RTN3: variants seen among roughly 807,000 people sequenced by gnomAD.
RTN3 encodes the protein reticulon 3, also known as reticulon-3.
RTN3 carries 49 observed loss-of-function variants against 77.8 expected under a neutral mutation model. The ratio of observed to expected loss-of-function variants is 0.63; its 90% CI spans 0.50 to 0.80. RTN3 has a LOEUF of 0.80. RTN3 is among the 30% of genes least tolerant of loss of function. The pLI is 0.00. For missense variants in RTN3, 1,236 were observed against 1,211.9 expected, an observed-to-expected ratio of 1.02 and a Z score of -0.29; for synonymous variants, 464 against 446.9, an observed-to-expected ratio of 1.04 and a Z score of -0.48.
chr11:63,716,979 C>CCAA (rs2011444667), intron 2 of RTN3, among the ~76,000 whole-genome samples: 1 of 120,278 alleles, frequency 8.3e-6, no homozygotes, highest in Non-Finnish European at 1.6e-5. Flanking sequence ...AAAAAAAAAA[C>CCAA]AAAAAAAAAA....
intron 3 of RTN3, among the ~76,000 whole-genome samples, chr11:63,741,505 AT>A (rs1233011629): frequency 7.8e-4 from 101 of 129,396 alleles, no homozygotes; most frequent in Non-Finnish European, 5.4e-4. Context: ...CCCAGCATTT[AT>A]TTTTTTTTTT....
intron 2 of RTN3, among the ~76,000 whole-genome samples, chr11:63,707,860 C>T (rs1425436481): frequency 6.6e-6 from 1 of 152,056 alleles, no homozygotes; most frequent in Non-Finnish European, 1.5e-5. Context: ...AAAGAATGCC[C>T]TATCCTCGAA....
intron 1 of RTN3, among the ~76,000 whole-genome samples, chr11:63,684,136 T>G (rs1941233657): frequency 4.7e-4 from 7 of 14,802 alleles, no homozygotes; most frequent in East Asian, 0.033. Context: ...TTGGTTTTTT[T>G]TTTTTTTTTT....
Position 63,702,684 on chromosome 11 carries a change from G to GT in RTN3, c.143-2160dup, listed in dbSNP as rs993568867. On this transcript the variant is annotated intron_variant, in intron 1 of 8. Coordinates refer to ENST00000377819, the MANE Select transcript of RTN3 (RefSeq NM_001265589.2). ...CACTGCACTTTGTTTTTGTTTTTTT[G>GT]TTTTTTTGTTTTTTTTTTTGAGACG... 7.0e-5 allele frequency among the ~76,000 whole-genome samples: 10 copies of GT among 142,282 alleles called. No homozygotes were observed. In the East Asian group the frequency reaches 8.2e-4, roughly 12 times the overall value. 93.3% of individuals were successfully genotyped at this position (142,282 alleles called of 152,430 possible). A position where few individuals can be genotyped will look rare whatever the true frequency, so the allele number is the denominator to read the frequency against.
chr11:63,700,971 T>A (rs1451697035), intron 1 of RTN3, among the ~76,000 whole-genome samples: 1 of 151,344 alleles, frequency 6.6e-6, no homozygotes, highest in Non-Finnish European at 1.5e-5. Flanking sequence ...GCGCCTGTAG[T>A]CCCAGCTACT....
chr11:63,740,448 ATTTTTTTTT>A (rs34045543), intron 3 of RTN3, among the ~76,000 whole-genome samples: 10 of 120,740 alleles, frequency 8.3e-5, no homozygotes, highest in Admixed American at 7.8e-4. Context: ...TGCCTGGCTA[ATTTTTTTTT>A]TTTTTTTTTT....
chr11:63,749,943 G>T (rs369276543), intron 3 of RTN3, 48 bp from the exon 4 acceptor site: 12 of 1,331,554 alleles, frequency 9.0e-6, no homozygotes, highest in Admixed American at 1.8e-5. Flanking sequence ...GCAAGACATA[G>T]TAGCTGTGGA....
At position 63,741,384 on chromosome 11, in the gene RTN3, TAG is replaced by T. The variant is rs532512718; in HGVS notation, c.2531-8602_2531-8601del. Among the ~76,000 whole-genome samples, 363 of 151,846 alleles carry T rather than the reference TAG, an allele frequency of 2.4e-3. 4 individuals are homozygous for T. The highest frequency in any genetic ancestry group is 7.6e-3 in the African/African-American group (313 of 41,422). On this transcript the variant is annotated intron_variant, in intron 3 of 8. Coordinates refer to ENST00000377819, the MANE Select transcript of RTN3 (RefSeq NM_001265589.2). ...CGCCTGGCTAATTTTGTATTTTTAG[TAG>T]AGAGGGGGTTTCACCATGTTGGCCA...
At chr11:63,748,475 A>G (rs1171824724) in intron 3 of RTN3, among the ~76,000 whole-genome samples, 1 of 150,158 alleles carries the variant, frequency 6.7e-6, no homozygotes, top group Non-Finnish European at 1.5e-5. Flanking sequence ...CAGCCTCCCG[A>G]GTAGCTGAGA....
intron 1 of RTN3, among the ~76,000 whole-genome samples, chr11:63,692,755 C>T (rs1198479033): frequency 2.0e-5 from 3 of 149,894 alleles, no homozygotes; most frequent in South Asian, 2.1e-4. Context: ...AGCGAGACTC[C>T]GTCTCAAAAA....
In RTN3 at chr11:63,758,643, A is replaced by C; in HGVS notation, c.*442A>C. On this transcript the variant is annotated 3_prime_UTR_variant, in exon 9 of 9. Transcript: ENST00000377819. The stretch of plus-strand genomic sequence containing the variant: ...AAAATTATTTGGGGACAGGAGTGTG[A>C]TACCTTCCTTGGTTTTTTTTTGCAG... 1 of 360,150 alleles carries C rather than the reference A, an allele frequency of 2.8e-6. No homozygotes were observed. The allele number at this position is 360,150 out of a possible 1,614,324, so 22.3% of individuals were successfully genotyped here.
chr11:63,753,057 T>A lies in RTN3; in HGVS notation c.2878-12T>A. ...GGTTATTCCTGCTTAACTTTTGATA[T>A]GGCCTTCACAGCTGGCTGTCTTCAT... On this transcript the variant is annotated splice_polypyrimidine_tract_variant and intron_variant, in intron 5 of 8. Coordinates refer to ENST00000377819, the MANE Select transcript of RTN3 (RefSeq NM_001265589.2). 2 of 1,613,346 alleles carry A rather than the reference T, an allele frequency of 1.2e-6. No homozygotes were observed. Among genetic ancestry groups the A allele is most frequent in the Non-Finnish European group, 1.7e-6 (2 of 1,179,574 alleles).
chr11:63,686,470 C>CAAAA (rs11364347), intron 1 of RTN3, among the ~76,000 whole-genome samples: 1 of 92,566 alleles, frequency 1.1e-5, no homozygotes, highest in Non-Finnish European at 2.2e-5. Flanking sequence ...GACTCCGTCT[C>CAAAA]AAAAAAAAAA....
intron 1 of RTN3, among the ~76,000 whole-genome samples, chr11:63,689,724 C>T (rs1011587423): frequency 5.9e-5 from 9 of 151,608 alleles, no homozygotes; most frequent in African/African-American, 2.2e-4. Context: ...GCAAGTGGCC[C>T]ACTCTTGTGA....
chr11:63,710,447 A>G (rs778480318), intron 2 of RTN3, among the ~76,000 whole-genome samples: 1 of 152,268 alleles, frequency 6.6e-6, no homozygotes, highest in East Asian at 1.9e-4. Context: ...CTCAATTCCC[A>G]TACCAGATTT....
rs577249008 is a variant in RTN3 at position 63,681,602 on chromosome 11, C to T, written c.-35C>T. ...CCTCCCTCTCTCCCGCCCCGTATCT[C>T]TTTTCACCCTTCTCCCACCCTCGCT... On this transcript the variant is annotated 5_prime_UTR_variant, in exon 1 of 9. Transcript: ENST00000377819. 6.4e-7 allele frequency: 1 copy of T among 1,566,328 alleles called. No homozygotes were observed. The highest frequency in any genetic ancestry group is 1.4e-5 in the African/African-American group (1 of 72,520).
intron 7 of RTN3, among the ~76,000 whole-genome samples, chr11:63,754,060 C>T (rs1004862044): frequency 2.0e-5 from 3 of 152,050 alleles, no homozygotes; most frequent in South Asian, 4.1e-4. Flanking sequence ...GATGCTGAAG[C>T]GGGAGAATCC....
At chr11:63,695,028 A>G (rs1182426001) in intron 1 of RTN3, among the ~76,000 whole-genome samples, 1 of 152,174 alleles carries the variant, frequency 6.6e-6, no homozygotes, top group African/African-American at 2.4e-5. Context: ...ACTAGTTACT[A>G]CTCAGTCTAG....
chr11:63,706,729 A>AT (rs907354978), intron 2 of RTN3, among the ~76,000 whole-genome samples: 15 of 151,662 alleles, frequency 9.9e-5, no homozygotes, highest in East Asian at 7.7e-4. Context: ...ATTTTTAAGG[A>AT]TTTTTTTTTC....
Sources: allele counts gnomAD v4.1 joint callset (sites outside exome capture counted in the v4.1 genomes callset), GRCh38; gene constraint gnomAD v4.1.1; transcripts MANE v1.5; gene names NCBI Gene and HGNC (gene_info 2026-07-23, HGNC 2026-07-21).